Variants in FAM107B observed in about 807,000 individuals in gnomAD.
The protein encoded by FAM107B is protein FAM107B.
In FAM107B, 21 loss-of-function variants were observed where a neutral mutation model predicts 31.5. The observed-to-expected ratio is 0.67, with a 90% CI of 0.47 to 0.96. FAM107B has a LOEUF of 0.96. Ranked by LOEUF, FAM107B falls within the 40% of genes least tolerant of loss-of-function variation. The pLI, the probability that FAM107B is intolerant of heterozygous loss-of-function variation, is 0.00. For missense variants in FAM107B, 452 were observed against 377.1 expected, an observed-to-expected ratio of 1.20 and a Z score of -1.64; for synonymous variants, 157 against 141.5, an observed-to-expected ratio of 1.11 and a Z score of -0.78.
In FAM107B at chr10:14,628,112, G is replaced by GTTTTTTTTTTTTTTTTTTTT. The variant is rs71505033; in HGVS notation, c.469+39502_469+39521dup. Reference sequence around the variant, plus strand: ...TCCTTGTTTGTTTTTTGTTTTGCTGGTTTTTTTTTTTTTTTTTTTTTGAGA... The same window carrying GTTTTTTTTTTTTTTTTTTTT: ...TCCTTGTTTGTTTTTTGTTTTGCTGGTTTTTTTTTTTTTTTTTTTTTTTTTTTTTTTTTTTTTTTTTGAGA... On this transcript the variant is annotated intron_variant, in intron 2 of 4. Coordinates refer to ENST00000181796, the MANE Select transcript of FAM107B (RefSeq NM_031453.4). 2.9e-4 allele frequency among the ~76,000 whole-genome samples: 27 copies of GTTTTTTTTTTTTTTTTTTTT among 92,688 alleles called. 2 individuals carry two copies. The highest frequency in any genetic ancestry group is 1.7e-3 in the East Asian group (4 of 2,292). 60.8% of individuals were successfully genotyped at this position (92,688 alleles called of 152,430 possible). A position where few individuals can be genotyped will look rare whatever the true frequency, so the allele number is the denominator to read the frequency against.
At chr10:14,541,090 C>T (rs1019460199) in intron 2 of FAM107B, among the ~76,000 whole-genome samples, 2 of 152,164 alleles carry the variant, frequency 1.3e-5, no homozygotes, top group Non-Finnish European at 2.9e-5. Context: ...AGTACAGAAT[C>T]GATCATCAGT....
In FAM107B at chr10:14,774,359, G is replaced by A. The variant is rs774491438; in HGVS notation, c.305C>T (p.Ala102Val). ...CCCGGGCACATCTTCAGGCGTCTCC[G>A]CGGGCTGGGCCGCAGTGCGGTGACT... Reference protein sequence around the residue: ...NSSHRTAAQPAETPEDVPGSL... With the variant: ...NSSHRTAAQPVETPEDVPGSL... Residue 102 changes from alanine (A) to valine (V), a missense_variant, in exon 1 of 5, where the codon GCG becomes GTG. Ala to Val is a moderately conservative substitution (Grantham distance 64, BLOSUM62 0). Coordinates refer to ENST00000181796, the MANE Select transcript of FAM107B (RefSeq NM_031453.4). The A allele has an allele frequency of 2.3e-5, 37 of 1,614,058 alleles. No homozygotes were observed. The Admixed American group carries it at 6.0e-4, about 26-fold the overall frequency.
chr10:14,619,700 G>A (rs1475781504), intron 2 of FAM107B, among the ~76,000 whole-genome samples: 1 of 77,940 alleles, frequency 1.3e-5, no homozygotes, highest in African/African-American at 4.9e-5. Context: ...TTGTGTTTGT[G>A]TCCTAGCTAA....
chr10:14,737,699 A>G (rs138095793), intron 1 of FAM107B, among the ~76,000 whole-genome samples: 17 of 151,076 alleles, frequency 1.1e-4, no homozygotes, highest in African/African-American at 3.9e-4. Flanking sequence ...ACCTTCCCCA[A>G]TCGAGAGGTT....
intron 1 of FAM107B, among the ~76,000 whole-genome samples, chr10:14,704,198 C>G (rs1291884018): frequency 1.3e-5 from 2 of 151,422 alleles, no homozygotes; most frequent in African/African-American, 4.9e-5. Context: ...AGGAGAAATC[C>G]GATCACTTTA....
chr10:14,632,270 A>ACT (rs1853374837), intron 2 of FAM107B, among the ~76,000 whole-genome samples: 1 of 132,272 alleles, frequency 7.6e-6, no homozygotes, highest in South Asian at 2.5e-4. Context: ...TGCACTCCAG[A>ACT]CTCCAGCCTG....
chr10:14,594,180 T>C (rs983572189), intron 2 of FAM107B, among the ~76,000 whole-genome samples: 1 of 152,134 alleles, frequency 6.6e-6, no homozygotes, highest in Admixed American at 6.5e-5. Flanking sequence ...CTCCATACGG[T>C]AATGCCAAAA....
At chr10:14,608,908 C>A (rs1385269736) in intron 2 of FAM107B, among the ~76,000 whole-genome samples, 1 of 152,192 alleles carries the variant, frequency 6.6e-6, no homozygotes, top group Non-Finnish European at 1.5e-5. Context: ...ACATGAGGAA[C>A]TACAGAATGG....
intron 2 of FAM107B, among the ~76,000 whole-genome samples, chr10:14,633,240 G>C (rs1469317817): frequency 6.6e-6 from 1 of 151,454 alleles, no homozygotes; most frequent in African/African-American, 2.4e-5. Flanking sequence ...GCACTTCACT[G>C]AGTGATGGCC....
chr10:14,739,156 C>A (rs1856378070), intron 1 of FAM107B, among the ~76,000 whole-genome samples: 1 of 152,162 alleles, frequency 6.6e-6, no homozygotes, highest in South Asian at 2.1e-4. Context: ...AGAAGTAGAA[C>A]AACGTTCATC....
chr10:14,543,371 T>C (rs562151264), intron 2 of FAM107B, among the ~76,000 whole-genome samples: 1 of 152,320 alleles, frequency 6.6e-6, no homozygotes, highest in African/African-American at 2.4e-5. Flanking sequence ...GAGCAGCTCT[T>C]CATCCAAGGC....
Position 14,626,604 on chromosome 10 carries a change from C to T in FAM107B, c.469+41030G>A, listed in dbSNP as rs914817343. On this transcript the variant is annotated intron_variant, in intron 2 of 4. Transcript: ENST00000181796. ...CTGCAAGCTCCGCCTTCCGGGTTCA[C>T]GCCATTCTCCTGCCTCAGCCTCCCA... Among the ~76,000 whole-genome samples the T allele has an allele frequency of 2.7e-5, 4 of 150,862 alleles. No individual in the cohort carries two copies. In the East Asian group the frequency reaches 5.9e-4, roughly 22 times the overall value.
chr10:14,570,231 T>TGG (rs138219118), intron 2 of FAM107B, among the ~76,000 whole-genome samples: 3,129 of 110,784 alleles, frequency 0.028, 93 homozygotes, highest in East Asian at 0.17. Context: ...AAAAATGTGG[T>TGG]GGGTGTGTGT....
intron 2 of FAM107B, among the ~76,000 whole-genome samples, chr10:14,565,004 G>A (rs1850543867): frequency 6.6e-6 from 1 of 152,196 alleles, no homozygotes; most frequent in African/African-American, 2.4e-5. Flanking sequence ...AGGATCACTT[G>A]AGCCCAAGAG....
chr10:14,705,967 A>T (rs1483753355), intron 1 of FAM107B, among the ~76,000 whole-genome samples: 2 of 152,206 alleles, frequency 1.3e-5, no homozygotes, highest in Non-Finnish European at 2.9e-5. Context: ...CCTATGGCTT[A>T]CAAGAAAAAC....
At chr10:14,557,813 G>A (rs1338721006) in intron 2 of FAM107B, among the ~76,000 whole-genome samples, 2 of 152,122 alleles carry the variant, frequency 1.3e-5, no homozygotes, top group Non-Finnish European at 2.9e-5. Context: ...GCCATTGGAG[G>A]GGCCTAGCCG....
chr10:14,576,451 C>T (rs1339339235), intron 2 of FAM107B, among the ~76,000 whole-genome samples: 8 of 152,156 alleles, frequency 5.3e-5, no homozygotes, highest in East Asian at 3.9e-4. Context: ...CATTTGAACC[C>T]GGGAGGCGGA....
At chr10:14,569,331 C>T (rs1850983996) in intron 2 of FAM107B, among the ~76,000 whole-genome samples, 1 of 152,042 alleles carries the variant, frequency 6.6e-6, no homozygotes, top group African/African-American at 2.4e-5. Flanking sequence ...TTCGAGTTAT[C>T]CTATCCCCAT....
intron 1 of FAM107B, among the ~76,000 whole-genome samples, chr10:14,771,268 T>C (rs1833296532): frequency 6.6e-6 from 1 of 152,122 alleles, no homozygotes; most frequent in South Asian, 2.1e-4. Flanking sequence ...ACATCTTCTG[T>C]GGTGTTATAT....
Sources: gnomAD v4.1 joint callset for allele counts (sites outside exome capture counted in the v4.1 genomes callset) on GRCh38, gnomAD v4.1.1 for gene constraint, MANE v1.5 for transcripts, NCBI Gene and HGNC (gene_info 2026-07-23, HGNC 2026-07-21) for gene names.